Variants in SUDS3 observed in about 807,000 individuals in gnomAD.
SUDS3 encodes the protein SIN3A corepressor complex component SDS3, also known as sin3 histone deacetylase corepressor complex component SDS3.
A neutral mutation model predicts 53.5 loss-of-function variants in SUDS3; 23 were observed. The observed-to-expected ratio is 0.43, with a 90% CI of 0.31 to 0.61. The LOEUF is 0.61. Ranked by LOEUF, SUDS3 falls within the 20% of genes least tolerant of loss-of-function variation. The pLI is 0.10. For missense variants in SUDS3, 291 were observed against 405.9 expected (o/e 0.72, Z 2.43); for synonymous variants, 150 against 148.5 (o/e 1.01, Z -0.08).
Position 118,380,157 on chromosome 12 carries a change from T to G in SUDS3, c.143-5T>G. The G allele has an allele frequency of 6.2e-7, 1 of 1,604,086 alleles. No homozygotes were observed. The highest frequency in any genetic ancestry group is 8.5e-7 in the Non-Finnish European group (1 of 1,174,924). Reference sequence around the variant, plus strand: ...AACTAGCCCCTATTTCCTAACTTTATTCAGACACTGAGGATGCTAGTGAAA... The same window carrying G: ...AACTAGCCCCTATTTCCTAACTTTAGTCAGACACTGAGGATGCTAGTGAAA... On this transcript the variant is annotated splice_polypyrimidine_tract_variant and splice_region_variant and intron_variant, in intron 1 of 11. Coordinates refer to ENST00000543473, the MANE Select transcript of SUDS3 (RefSeq NM_022491.3).
At chr12:118,405,345 T>C (rs1426458912) in intron 10 of SUDS3, among the ~76,000 whole-genome samples, 1 of 152,252 alleles carries the variant, frequency 6.6e-6, no homozygotes, top group Non-Finnish European at 1.5e-5. Flanking sequence ...CTAAGCTTAA[T>C]CCTCAGACTT....
At chr12:118,397,617 G>A (rs1441116069) in intron 6 of SUDS3, among the ~76,000 whole-genome samples, 1 of 152,140 alleles carries the variant, frequency 6.6e-6, no homozygotes, top group Non-Finnish European at 1.5e-5. Context: ...TGGAGATGGA[G>A]ACATGCTGAT....
intron 11 of SUDS3, among the ~76,000 whole-genome samples, chr12:118,412,846 C>T (rs2046370769): frequency 6.6e-6 from 1 of 152,186 alleles, no homozygotes; most frequent in East Asian, 1.9e-4. Flanking sequence ...TGAAACACGT[C>T]TTCTGGAGGG....
chr12:118,376,563 G>C lies in SUDS3; in HGVS notation c.-129G>C, dbSNP rs1365363958. On this transcript the variant is annotated 5_prime_UTR_variant, in exon 1 of 12. Coordinates refer to ENST00000543473, the MANE Select transcript of SUDS3 (RefSeq NM_022491.3). ...GGGGGGCGGAGCTCGGCGGAGACGG[G>C]GAAGGGGTCGCCGTGGCTGCCGGTC... 1 of 1,185,974 alleles carries C rather than the reference G, an allele frequency of 8.4e-7. No individual in the cohort carries two copies. The highest frequency in any genetic ancestry group is 1.6e-5 in the African/African-American group (1 of 62,848). 73.5% of individuals were successfully genotyped at this position (1,185,974 alleles called of 1,614,324 possible).
At chr12:118,411,200 A>G in intron 11 of SUDS3, 43 bp downstream of exon 11, 1 of 1,537,040 alleles carries the variant, frequency 6.5e-7, no homozygotes, top group South Asian at 1.2e-5. Context: ...CAAAATGTGT[A>G]CTGCGAAGTG....
intron 3 of SUDS3, among the ~76,000 whole-genome samples, chr12:118,384,736 G>A (rs919515189): frequency 6.6e-6 from 1 of 152,096 alleles, no homozygotes; most frequent in Non-Finnish European, 1.5e-5. Context: ...TGGAGGCTGA[G>A]GCAGGAGAAT....
intron 1 of SUDS3, among the ~76,000 whole-genome samples, chr12:118,377,947 A>G (rs1215795886): frequency 1.3e-5 from 2 of 152,222 alleles, no homozygotes; most frequent in East Asian, 3.8e-4. Flanking sequence ...TTGGATCTGC[A>G]ACAGCCTTAC....
At chr12:118,391,322 G>GC in intron 6 of SUDS3, 40 bp downstream of exon 6, 2 of 1,568,702 alleles carry the variant, frequency 1.3e-6, no homozygotes, top group South Asian at 1.2e-5. Flanking sequence ...GGGGCCCTGA[G>GC]CGGGGGGGTG....
rs183759399 is a variant in SUDS3, at chr12:118,399,475, C to G, written c.518-1184C>G. Among the ~76,000 whole-genome samples, 3 of 152,252 alleles carry G rather than the reference C, an allele frequency of 2.0e-5. No homozygotes were observed. The East Asian group carries it at 5.8e-4, about 29-fold the overall frequency. On this transcript the variant is annotated intron_variant, in intron 6 of 11. Transcript: ENST00000543473. ...GAAGATCGTGCCACTGCACTCCAGC[C>G]TGGGTGAGAGAGTGAGGCCCTGTCT... is the stretch of plus-strand genomic sequence containing the variant.
chr12:118,402,634 GT>G (rs2046273181), intron 9 of SUDS3: 1 of 147,816 alleles, frequency 6.8e-6, no homozygotes, highest in Non-Finnish European at 1.5e-5. Context: ...GAAAACAAGA[GT>G]CTTCTTTTTC....
At position 118,412,945 on chromosome 12, in the gene SUDS3, T is replaced by G. The variant is rs150827259; in HGVS notation, c.889-1390T>G. Among the ~76,000 whole-genome samples, 18 of 152,254 alleles carry G rather than the reference T, an allele frequency of 1.2e-4. No individual in the cohort carries two copies. In the East Asian group the frequency reaches 3.1e-3, roughly 26 times the overall value. On this transcript the variant is annotated intron_variant, in intron 11 of 11. Transcript: ENST00000543473. Reference sequence around the variant, plus strand: ...AAAGTGTTCCAGCTCATTTTTCAGATCAAATTCTAGGTGACACTGGAGCTA... The same window carrying G: ...AAAGTGTTCCAGCTCATTTTTCAGAGCAAATTCTAGGTGACACTGGAGCTA...
Position 118,401,771 on chromosome 12 carries a change from A to G in SUDS3, c.626A>G (p.Tyr209Cys). The G allele has an allele frequency of 6.2e-7, 1 of 1,613,764 alleles. No homozygotes were observed. The highest frequency in any genetic ancestry group is 8.5e-7 in the Non-Finnish European group (1 of 1,179,690). ...TAACTCTCAACACCCCAGCTAAACT[A>G]TTTGTTAACAGATGAACAGATCATG... ...RRKPAPAQLN[Y>C]LLTDEQIMED... The change falls in exon 8 of 12, where the codon TAT becomes TGT. Residue 209 changes from tyrosine (Y) to cysteine (C), a missense_variant. Coordinates refer to ENST00000543473, the MANE Select transcript of SUDS3 (RefSeq NM_022491.3).
intron 4 of SUDS3, among the ~76,000 whole-genome samples, chr12:118,386,697 C>A (rs1264089260): frequency 6.6e-6 from 1 of 152,146 alleles, no homozygotes; most frequent in African/African-American, 2.4e-5. Context: ...GAATTGAGCA[C>A]CTGCTACATC....
chr12:118,402,166 C>T lies in SUDS3; in HGVS notation c.697+162C>T, dbSNP rs564171959. On this transcript the variant is annotated intron_variant, in intron 9 of 11. Coordinates refer to ENST00000543473, the MANE Select transcript of SUDS3 (RefSeq NM_022491.3). ...AACTGAAGGGGACCTTAACTATACC[C>T]CTCCCTGATTTCTTTTTTTTTCATA... 4.5e-5 allele frequency: 30 copies of T among 659,518 alleles called. No homozygotes were observed. In the African/African-American group the frequency reaches 5.3e-4, roughly 12 times the overall value. 40.9% of individuals were successfully genotyped at this position (659,518 alleles called of 1,614,324 possible).
At chr12:118,411,258 G>C (rs139933918) in intron 11 of SUDS3, 101 bp downstream of exon 11, 5 of 1,015,420 alleles carry the variant, frequency 4.9e-6, no homozygotes, top group Non-Finnish European at 7.5e-6. Context: ...AAGTACAGTG[G>C]AGTACTGTCT....
At chr12:118,385,865 T>C (rs181565652) in intron 3 of SUDS3, among the ~76,000 whole-genome samples, 66 of 152,268 alleles carry the variant, frequency 4.3e-4, no homozygotes, top group Middle Eastern at 3.4e-3. Flanking sequence ...TGTGGAGATA[T>C]TGGCAATTTT....
rs1214580607 is a variant in SUDS3 at position 118,416,090 on chromosome 12, A to T, written c.*1657A>T. On this transcript the variant is annotated 3_prime_UTR_variant, in exon 12 of 12. Transcript: ENST00000543473. Reference sequence around the variant, plus strand: ...CCAGCCCATGGTAAACACAGGCTTCACCTGTTCTTGTTTGTTAGCCTTGAC... The same window carrying T: ...CCAGCCCATGGTAAACACAGGCTTCTCCTGTTCTTGTTTGTTAGCCTTGAC... 6.6e-6 allele frequency: 1 copy of T among 152,104 alleles called. No homozygotes were observed. Among genetic ancestry groups the T allele is most frequent in the African/African-American group, 2.4e-5 (1 of 41,420 alleles). 9.4% of individuals were successfully genotyped at this position (152,104 alleles called of 1,614,324 possible).
At chr12:118,388,763 G>T (rs958573086) in intron 4 of SUDS3, among the ~76,000 whole-genome samples, 1 of 152,202 alleles carries the variant, frequency 6.6e-6, no homozygotes, top group South Asian at 2.1e-4. Flanking sequence ...TGGCCTGACA[G>T]TGAAGCCCCA....
Position 118,414,533 on chromosome 12 carries a change from A to G in SUDS3, c.*100A>G. ...ATAGAAAAATGTTAACTTACTGGGA[A>G]TAGCTACTCAGCCTTGGAAATGGAG... On this transcript the variant is annotated 3_prime_UTR_variant, in exon 12 of 12. Transcript: ENST00000543473. 1.1e-5 allele frequency: 11 copies of G among 972,922 alleles called. No individual in the cohort carries two copies. The South Asian group carries it at 1.7e-4, about 15-fold the overall frequency. 60.3% of individuals were successfully genotyped at this position (972,922 alleles called of 1,614,324 possible). A position where few individuals can be genotyped will look rare whatever the true frequency, so the allele number is the denominator to read the frequency against.
Sources: gnomAD v4.1 joint callset for allele counts (sites outside exome capture counted in the v4.1 genomes callset) on GRCh38, gnomAD v4.1.1 for gene constraint, MANE v1.5 for transcripts, NCBI Gene and HGNC (gene_info 2026-07-23, HGNC 2026-07-21) for gene names.